Variants in SPATS2 observed in about 807,000 individuals in gnomAD.
SPATS2 encodes spermatogenesis-associated serine-rich protein 2.
A neutral mutation model predicts 63.7 loss-of-function variants in SPATS2; 38 were observed. The ratio of observed to expected loss-of-function variants is 0.60; its 90% CI spans 0.46 to 0.78. The LOEUF (loss-of-function observed/expected upper bound fraction) is 0.78. Ranked by LOEUF, SPATS2 falls within the 30% of genes least tolerant of loss-of-function variation. The pLI, the probability that SPATS2 is intolerant of heterozygous loss-of-function variation, is 0.00. For synonymous variants in SPATS2, 207 were observed against 232.9 expected, an observed-to-expected ratio of 0.89 and a Z score of 1.01; for missense variants, 588 against 666.2, an observed-to-expected ratio of 0.88 and a Z score of 1.29.
chr12:49,439,539 G>A (rs1246820535), intron 2 of SPATS2, among the ~76,000 whole-genome samples: 1 of 152,216 alleles, frequency 6.6e-6, no homozygotes, highest in African/African-American at 2.4e-5. Flanking sequence ...CTTGCTGATC[G>A]TTTGGTTGTG....
At chr12:49,508,950 A>C (rs1946699083) in intron 9 of SPATS2, among the ~76,000 whole-genome samples, 2 of 151,856 alleles carry the variant, frequency 1.3e-5, no homozygotes, top group African/African-American at 2.4e-5. Context: ...TGTAGTCCCC[A>C]CTACTTGGGA....
At chr12:49,523,687 C>T (rs1464744185) in intron 12 of SPATS2, among the ~76,000 whole-genome samples, 1 of 152,128 alleles carries the variant, frequency 6.6e-6, no homozygotes, top group African/African-American at 2.4e-5. Flanking sequence ...CGCGGTGGCT[C>T]ATGCCTGTAA....
chr12:49,403,354 G>C (rs956655626), intron 2 of SPATS2, among the ~76,000 whole-genome samples: 1 of 152,104 alleles, frequency 6.6e-6, no homozygotes, highest in Non-Finnish European at 1.5e-5. Context: ...CTTGCTGGGC[G>C]TGGTGGCTCA....
At chr12:49,522,027 T>TAA (rs1946950290) in intron 11 of SPATS2, among the ~76,000 whole-genome samples, 1 of 136,112 alleles carries the variant, frequency 7.3e-6, no homozygotes, top group African/African-American at 3.2e-5. Flanking sequence ...CCTTTTCATC[T>TAA]GAAAAAAAAA....
At chr12:49,461,284 G>A (rs1167520834) in intron 3 of SPATS2, 2 of 478,822 alleles carry the variant, frequency 4.2e-6, no homozygotes, top group Non-Finnish European at 3.7e-6. Flanking sequence ...TTTGAATACT[G>A]AACATATGTT....
At chr12:49,468,712 C>T (rs1275120663) in intron 3 of SPATS2, among the ~76,000 whole-genome samples, 2 of 149,976 alleles carry the variant, frequency 1.3e-5, no homozygotes, top group Non-Finnish European at 3.0e-5. Flanking sequence ...CCTTGGCTCA[C>T]ATGATCCACC....
intron 9 of SPATS2, among the ~76,000 whole-genome samples, chr12:49,514,163 A>C (rs909036859): frequency 6.6e-6 from 1 of 152,186 alleles, no homozygotes. Context: ...TCAAAAAAAA[A>C]AAAAAAAGTA....
intron 2 of SPATS2, among the ~76,000 whole-genome samples, chr12:49,392,111 C>T (rs1944428028): frequency 6.6e-6 from 1 of 152,156 alleles, no homozygotes; most frequent in African/African-American, 2.4e-5. Flanking sequence ...TGAGGCAGCT[C>T]TACTGTAAAA....
In SPATS2 at chr12:49,420,779, G is replaced by T. The variant is rs540359347; in HGVS notation, c.-243-39991G>T. 6.6e-4 allele frequency among the ~76,000 whole-genome samples: 100 copies of T among 152,216 alleles called. 1 individual carries two copies. The highest frequency in any genetic ancestry group is 2.4e-3 in the African/African-American group (98 of 41,550). On this transcript the variant is annotated intron_variant, in intron 2 of 13. Coordinates refer to ENST00000552918, the MANE Select transcript of SPATS2 (RefSeq NM_023071.4). ...CCATAATCCTAACACTTGGGAGGCC[G>T]AAGTGAAATGATCACTTGAGGCCAG...
intron 11 of SPATS2, among the ~76,000 whole-genome samples, chr12:49,521,968 T>C (rs1946949070): frequency 2.0e-5 from 3 of 151,842 alleles, no homozygotes; most frequent in Admixed American, 2.0e-4. Flanking sequence ...CTCTGAGGGG[T>C]TCAGTTCTTC....
chr12:49,510,226 G>A (rs1369923545), intron 9 of SPATS2, among the ~76,000 whole-genome samples: 1 of 147,530 alleles, frequency 6.8e-6, no homozygotes, highest in Non-Finnish European at 1.5e-5. Context: ...TTACACCACT[G>A]CATTCCAGCC....
intron 3 of SPATS2, among the ~76,000 whole-genome samples, chr12:49,464,493 G>A (rs1945875094): frequency 6.6e-6 from 1 of 150,784 alleles, no homozygotes; most frequent in Admixed American, 6.6e-5. Flanking sequence ...TGGGTGTGGT[G>A]GTGCATGCCT....
intron 3 of SPATS2, among the ~76,000 whole-genome samples, chr12:49,464,485 G>A (rs1289667609): frequency 6.6e-6 from 1 of 151,682 alleles, no homozygotes; most frequent in East Asian, 1.9e-4. Flanking sequence ...AAATTAGCTG[G>A]GTGTGGTGGT....
chr12:49,520,727 AT>A (rs554919186), intron 11 of SPATS2, among the ~76,000 whole-genome samples: 305 of 143,012 alleles, frequency 2.1e-3, no homozygotes, highest in Middle Eastern at 7.2e-3. Context: ...TACCTTTTTA[AT>A]TTTTTTTTTT....
intron 2 of SPATS2, among the ~76,000 whole-genome samples, chr12:49,437,013 C>T (rs1945318687): frequency 6.6e-6 from 1 of 151,434 alleles, no homozygotes; most frequent in Admixed American, 6.6e-5. Flanking sequence ...GGGGGGCTGA[C>T]CCCCACCTCC....
intron 2 of SPATS2, among the ~76,000 whole-genome samples, chr12:49,387,811 C>T (rs1944346341): frequency 6.6e-6 from 1 of 151,848 alleles, no homozygotes; most frequent in Non-Finnish European, 1.5e-5. Flanking sequence ...GGAGCAGGGG[C>T]GTTCTTACCT....
intron 4 of SPATS2, among the ~76,000 whole-genome samples, chr12:49,485,688 C>A (rs1434819775): frequency 1.3e-5 from 2 of 151,718 alleles, no homozygotes; most frequent in African/African-American, 4.8e-5. Flanking sequence ...TGGAAGAAAA[C>A]CAAGTGGTTT....
At chr12:49,464,311 CT>C (rs1734749411) in intron 3 of SPATS2, among the ~76,000 whole-genome samples, 1 of 151,164 alleles carries the variant, frequency 6.6e-6, no homozygotes, top group African/African-American at 2.4e-5. Flanking sequence ...CAAAATCAGC[CT>C]GGACAACATA....
chr12:49,419,203 A>G lies in SPATS2; in HGVS notation c.-243-41567A>G, dbSNP rs112607285. ...ACTTATCTTTTAGAATATTTAATGC[A>G]TGATATGCTGCATGCATTATGCATT... is the stretch of plus-strand genomic sequence containing the variant. On this transcript the variant is annotated intron_variant, in intron 2 of 13. Transcript: ENST00000552918. Among the ~76,000 whole-genome samples, 665 of 152,384 alleles carry G rather than the reference A, an allele frequency of 4.4e-3. 2 individuals are homozygous for G. The highest frequency in any genetic ancestry group is 7.1e-3 in the Non-Finnish European group (483 of 68,036).
Sources: allele counts gnomAD v4.1 joint callset (sites outside exome capture counted in the v4.1 genomes callset), GRCh38; gene constraint gnomAD v4.1.1; transcripts MANE v1.5; gene names NCBI Gene and HGNC (gene_info 2026-07-23, HGNC 2026-07-21).